Variants in TMEM63B observed in about 807,000 individuals in gnomAD.
TMEM63B encodes the protein transmembrane protein 63B, also known as mechanosensitive cation channel TMEM63B.
TMEM63B carries 23 observed loss-of-function variants against 102.6 expected under a neutral mutation model. That is an observed-to-expected ratio of 0.22 (90% confidence interval 0.16 to 0.32). TMEM63B has a LOEUF of 0.32. TMEM63B is among the 10% of genes least tolerant of loss of function. TMEM63B has a pLI of 1.00. For missense variants in TMEM63B, 628 were observed against 1,095.9 expected, an observed-to-expected ratio of 0.57 and a Z score of 6.03; for synonymous variants, 444 against 437.0, an observed-to-expected ratio of 1.02 and a Z score of -0.20.
At position 44,154,418 on chromosome 6, in the gene TMEM63B, C is replaced by G. The variant is rs368968804; in HGVS notation, c.2280C>G (p.Pro760=). The G allele has an allele frequency of 3.1e-6, 5 of 1,613,966 alleles. No individual in the cohort carries two copies. In the African/African-American group the frequency reaches 4.0e-5, roughly 13 times the overall value. Residue 760 remains proline (P), a synonymous_variant, in exon 23 of 24, where the codon CCC becomes CCG. Transcript: ENST00000323267. ...TVDPRSNGRP[P]TAAAVPKSAK... ...ACCCCAGAAGCAATGGACGGCCCCC[C>G]ACTGCTGCTGCTGTCCCCAAATCTG...
intron 5 of TMEM63B, chr6:44,138,253 A>C: frequency 1.8e-6 from 1 of 543,136 alleles, no homozygotes; most frequent in Non-Finnish European, 3.3e-6. Flanking sequence ...GGGGATTCAC[A>C]GATAAACCTG....
chr6:44,135,168 G>T, intron 3 of TMEM63B, 72 bp downstream of exon 3: 2 of 1,594,870 alleles, frequency 1.3e-6, no homozygotes, highest in East Asian at 4.5e-5. Flanking sequence ...GAATAGGAAG[G>T]AGCCAGCCCT....
At chr6:44,146,968 C>T (rs750446937) in intron 11 of TMEM63B, 41 bp downstream of exon 11, 34 of 1,603,826 alleles carry the variant, frequency 2.1e-5, no homozygotes, top group Non-Finnish European at 2.7e-5. Flanking sequence ...CCAAGGGCCC[C>T]CTGCCATTGT....
chr6:44,145,546 C>G (rs948075362), intron 10 of TMEM63B, among the ~76,000 whole-genome samples: 1 of 152,134 alleles, frequency 6.6e-6, no homozygotes, highest in Admixed American at 6.5e-5. Context: ...GAGCCCAGAT[C>G]ACACCACTGC....
chr6:44,126,633 G>C (rs1777087894), upstream of TMEM63B, among the ~76,000 whole-genome samples: 1 of 150,996 alleles, frequency 6.6e-6, no homozygotes, highest in Admixed American at 6.6e-5. Flanking sequence ...CGTCTCTTAC[G>C]GTGGCAAAGT....
At chr6:44,154,630 G>C in intron 23 of TMEM63B, 62 bp from the exon 24 acceptor site, 3 of 1,512,142 alleles carry the variant, frequency 2.0e-6, no homozygotes, top group South Asian at 1.3e-5. Flanking sequence ...ACATGCCCTG[G>C]TGTTCCCGCA....
chr6:44,148,273 A>G lies in TMEM63B; in HGVS notation c.1009A>G (p.Thr337Ala). The part of the protein sequence containing the change: ...CEQVEAIEYY[T>A]KLEQKLKEDY... ...AAAGGTGGAGGCCATTGAGTACTAC[A>G]CAAAGCTGGAGCAGAAGCTGAAGGA... Residue 337 changes from threonine (T) to alanine (A), a missense_variant, in exon 13 of 24, where the codon ACA (threonine) becomes GCA (alanine). Thr to Ala is a moderately conservative substitution (Grantham distance 58). Coordinates refer to ENST00000323267, the MANE Select transcript of TMEM63B (RefSeq NM_018426.3). The surrounding 1 kb of genome is among the most constrained non-coding windows in gnomAD (Gnocchi z 5.1). 6.2e-7 allele frequency: 1 copy of G among 1,614,254 alleles called. No homozygotes were observed. The highest frequency in any genetic ancestry group is 1.7e-5 in the Admixed American group (1 of 60,026).
At chr6:44,135,142 G>T (rs200910466) in intron 3 of TMEM63B, 46 bp downstream of exon 3, 1 of 1,605,944 alleles carries the variant, frequency 6.2e-7, no homozygotes, top group Non-Finnish European at 8.5e-7. Flanking sequence ...CACACATCTT[G>T]TTCCACACTC....
chr6:44,137,189 T>C (rs894221436), intron 5 of TMEM63B, among the ~76,000 whole-genome samples: 2 of 152,186 alleles, frequency 1.3e-5, no homozygotes, highest in Non-Finnish European at 2.9e-5. Context: ...TGAGTGGCAG[T>C]GGTCCCTTTT....
chr6:44,142,572 A>G (rs1484310748), intron 10 of TMEM63B, among the ~76,000 whole-genome samples: 1 of 152,148 alleles, frequency 6.6e-6, no homozygotes, highest in Non-Finnish European at 1.5e-5. Flanking sequence ...GGTTCATAGT[A>G]TGGCAGTCGG....
At chr6:44,137,810 A>C (rs900845986) in intron 5 of TMEM63B, among the ~76,000 whole-genome samples, 1 of 151,490 alleles carries the variant, frequency 6.6e-6, no homozygotes, top group African/African-American at 2.4e-5. Context: ...GCAATTTTCC[A>C]GTCTCAGCCT....
intron 10 of TMEM63B, among the ~76,000 whole-genome samples, chr6:44,145,817 A>G (rs561417627): frequency 6.6e-6 from 1 of 152,258 alleles, no homozygotes; most frequent in South Asian, 2.1e-4. Flanking sequence ...CTATTCCTTC[A>G]CTCAGCAAGC....
intron 15 of TMEM63B, among the ~76,000 whole-genome samples, chr6:44,149,576 G>A (rs756253316): frequency 1.1e-4 from 17 of 152,194 alleles, no homozygotes; most frequent in Non-Finnish European, 1.9e-4. Context: ...GTCAAATGGG[G>A]TAACAGCATT....
At chr6:44,145,924 G>C (rs958372372) in intron 10 of TMEM63B, among the ~76,000 whole-genome samples, 1 of 152,208 alleles carries the variant, frequency 6.6e-6, no homozygotes, top group Admixed American at 6.5e-5. Context: ...CTGGGGTCAG[G>C]GTTAGGAGGT....
In TMEM63B at chr6:44,138,310, C is replaced by G. The variant is rs902737134; in HGVS notation, c.370-170C>G. 1.2e-5 allele frequency: 9 copies of G among 750,112 alleles called. No individual in the cohort carries two copies. The South Asian group carries it at 1.5e-4, about 13-fold the overall frequency. 46.5% of individuals were successfully genotyped at this position (750,112 alleles called of 1,614,324 possible). ...TTGAGGGCTGAGACCTTCCCTCTCT[C>G]TCTCCCTTTTTGGGTATAAGCTAGT... On this transcript the variant is annotated intron_variant, in intron 5 of 23. Transcript: ENST00000323267.
Position 44,139,573 on chromosome 6 carries a change from A to G in TMEM63B, c.514A>G (p.Ile172Val), listed in dbSNP as rs758969385. 1 of 1,614,196 alleles carries G rather than the reference A, an allele frequency of 6.2e-7. No homozygotes were observed. The highest frequency in any genetic ancestry group is 1.1e-5 in the South Asian group (1 of 91,082). The stretch of plus-strand genomic sequence containing the variant: ...GGTTGTGGGCGTCCTCTCCGTAGGC[A>G]TCGTGCTGCCTGTCAACTTCTCAGG... Reference protein sequence around the residue: ...LVVVGVLSVGIVLPVNFSGDL... With the variant: ...LVVVGVLSVGVVLPVNFSGDL... Residue 172 changes from isoleucine (I) to valine (V), a missense_variant, in exon 7 of 24, where the codon ATC becomes GTC. Coordinates refer to ENST00000323267, the MANE Select transcript of TMEM63B (RefSeq NM_018426.3).
In TMEM63B at chr6:44,153,701, C is replaced by T. The variant is rs1414414314; in HGVS notation, c.1968C>T (p.His656=). The T allele has an allele frequency of 6.2e-7, 1 of 1,614,072 alleles. No individual in the cohort carries two copies. The highest frequency in any genetic ancestry group is 1.1e-5 in the South Asian group (1 of 91,084). Residue 656 remains histidine (H), a synonymous_variant, in exon 21 of 24, where the codon CAC becomes CAT. Coordinates refer to ENST00000323267, the MANE Select transcript of TMEM63B (RefSeq NM_018426.3). ...GGCTCATGTACATGCTGCTGAAGCA[C>T]CTGGTAGACAGGTACAATCTCTACT... ...PFGLMYMLLK[H]LVDRYNLYYA... is the part of the protein sequence containing the mutation.
At chr6:44,135,763 T>A (rs2128227641) in intron 4 of TMEM63B, among the ~76,000 whole-genome samples, 1 of 152,290 alleles carries the variant, frequency 6.6e-6, no homozygotes, top group South Asian at 2.1e-4. Flanking sequence ...CCTGCTCACC[T>A]CTTCTGGAGG....
At chr6:44,131,205 A>G (rs1778212814) in intron 1 of TMEM63B, among the ~76,000 whole-genome samples, 1 of 151,978 alleles carries the variant, frequency 6.6e-6, no homozygotes, top group South Asian at 2.1e-4. Context: ...GGTGTGAGCC[A>G]CCGTGCCTGG....
Sources: allele counts gnomAD v4.1 joint callset (sites outside exome capture counted in the v4.1 genomes callset), GRCh38; gene constraint gnomAD v4.1.1; non-coding constraint Gnocchi (gnomAD v3.1); transcripts MANE v1.5; gene names NCBI Gene and HGNC (gene_info 2026-07-23, HGNC 2026-07-21).